The following ITGBL1 variants were observed in gnomAD, a reference collection of about 807,000 sequenced individuals.
ITGBL1 encodes the protein integrin beta-like protein 1.
ITGBL1 carries 51 observed loss-of-function variants against 68.5 expected under a neutral mutation model. The observed-to-expected ratio is 0.74, with a 90% CI of 0.59 to 0.94. The LOEUF (loss-of-function observed/expected upper bound fraction) is 0.94. Ranked by LOEUF, ITGBL1 falls within the 40% of genes least tolerant of loss-of-function variation. The pLI is 0.00. For synonymous variants in ITGBL1, 209 were observed against 227.3 expected (o/e 0.92, Z 0.72); for missense variants, 649 against 647.4 (o/e 1.00, Z -0.03).
At chr13:101,640,498 C>T (rs575471922) in intron 7 of ITGBL1, among the ~76,000 whole-genome samples, 95 of 152,126 alleles carry the variant, frequency 6.2e-4, no homozygotes, top group African/African-American at 2.1e-3. Context: ...GAAATCTCAC[C>T]GTATATTTTT....
chr13:101,588,955 G>A (rs1401372276), intron 6 of ITGBL1, among the ~76,000 whole-genome samples: 3 of 152,076 alleles, frequency 2.0e-5, no homozygotes, highest in South Asian at 2.1e-4. Flanking sequence ...TGAGAATCTG[G>A]TACCAACACC....
intron 6 of ITGBL1, among the ~76,000 whole-genome samples, chr13:101,590,378 C>T (rs766997254): frequency 2.0e-5 from 3 of 152,176 alleles, no homozygotes; most frequent in Non-Finnish European, 4.4e-5. Flanking sequence ...CCTTTATCCC[C>T]AAGGTTTCTA....
intron 2 of ITGBL1, among the ~76,000 whole-genome samples, chr13:101,545,173 C>T (rs866831293): frequency 8.0e-4 from 122 of 152,206 alleles, no homozygotes; most frequent in African/African-American, 2.7e-3. Context: ...TGGAGCTGTT[C>T]CTATTTGGCC....
intron 7 of ITGBL1, among the ~76,000 whole-genome samples, chr13:101,612,833 C>T (rs1283341247): frequency 6.6e-6 from 1 of 152,124 alleles, no homozygotes; most frequent in African/African-American, 2.4e-5. Context: ...GGCAAGGTCC[C>T]TGGAAACACT....
At position 101,716,245 on chromosome 13, in the gene ITGBL1, C is replaced by G. The variant is rs1270773138; in HGVS notation, c.*591C>G. On this transcript the variant is annotated 3_prime_UTR_variant, in exon 11 of 11. Transcript: ENST00000376180. The stretch of plus-strand genomic sequence containing the variant: ...CATTTTAATATGGGGACAATGAAGA[C>G]AAGCACACAGGAGGTAGAATATCAG... The G allele has an allele frequency of 6.6e-6, 1 of 152,110 alleles. No individual in the cohort carries two copies. Among genetic ancestry groups the G allele is most frequent in the Non-Finnish European group, 1.5e-5 (1 of 68,034 alleles). 9.4% of individuals were successfully genotyped at this position (152,110 alleles called of 1,614,324 possible). A position where few individuals can be genotyped will look rare whatever the true frequency, so the allele number is the denominator to read the frequency against.
chr13:101,615,116 T>C (rs913681276), intron 7 of ITGBL1, among the ~76,000 whole-genome samples: 1 of 152,102 alleles, frequency 6.6e-6, no homozygotes, highest in Non-Finnish European at 1.5e-5. Context: ...TTCTAACTTG[T>C]GGCTTTTGGC....
intron 9 of ITGBL1, 76 bp downstream of exon 9, chr13:101,706,978 C>T: frequency 6.8e-7 from 1 of 1,465,420 alleles, no homozygotes; most frequent in South Asian, 1.3e-5. Context: ...TAGCAACTGT[C>T]TTTCCCAGAC....
intron 2 of ITGBL1, among the ~76,000 whole-genome samples, chr13:101,532,086 A>T (rs149463286): frequency 6.6e-6 from 1 of 152,140 alleles, no homozygotes; most frequent in African/African-American, 2.4e-5. Context: ...CAACATGCAC[A>T]TCTTAAAATA....
At chr13:101,524,032 GTGAAAGAGAGGTGACAGAACCATTTTTAC>G in intron 2 of ITGBL1, among the ~76,000 whole-genome samples, 1 of 152,302 alleles carries the variant, frequency 6.6e-6, no homozygotes, top group Middle Eastern at 3.4e-3. Flanking sequence ...CTGTAAGTGG[GTGAAAGAGAGGTGACAGAACCATTTTTAC>G]TGCAGTGCAG....
chr13:101,600,270 T>G (rs1044450592), intron 7 of ITGBL1, among the ~76,000 whole-genome samples: 1 of 152,208 alleles, frequency 6.6e-6, no homozygotes, highest in Non-Finnish European at 1.5e-5. Flanking sequence ...ATGCTTGTGA[T>G]TTTTGCACAT....
chr13:101,706,502 T>C (rs141990009), intron 8 of ITGBL1, among the ~76,000 whole-genome samples: 1 of 152,350 alleles, frequency 6.6e-6, no homozygotes, highest in East Asian at 1.9e-4. Context: ...AAAGGTGGTA[T>C]AATTCCATTT....
chr13:101,673,746 T>C (rs1164144598), intron 7 of ITGBL1, among the ~76,000 whole-genome samples: 1 of 152,230 alleles, frequency 6.6e-6, no homozygotes, highest in African/African-American at 2.4e-5. Flanking sequence ...CCTGAGAGAA[T>C]AATGCTGGCT....
rs77708330 is a variant in ITGBL1 at position 101,465,282 on chromosome 13, A to G, written c.316+11182A>G. On this transcript the variant is annotated intron_variant, in intron 2 of 10. Transcript: ENST00000376180. ...TTGTGGAGTATTTGGAAATGTCACC[A>G]AAATTAGGTTTCATTGGAAATCCTT... is the stretch of plus-strand genomic sequence containing the variant. 3.6e-4 allele frequency among the ~76,000 whole-genome samples: 55 copies of G among 152,318 alleles called. No individual in the cohort carries two copies. In the East Asian group the frequency reaches 0.011, roughly 29 times the overall value.
chr13:101,555,700 G>GT (rs1356098358), intron 2 of ITGBL1, among the ~76,000 whole-genome samples: 2 of 147,162 alleles, frequency 1.4e-5, no homozygotes, highest in Non-Finnish European at 3.0e-5. Flanking sequence ...GTGTGTGTAT[G>GT]TTTTATATAG....
chr13:101,564,805 ACT>A (rs964405657), intron 2 of ITGBL1, among the ~76,000 whole-genome samples: 8 of 151,390 alleles, frequency 5.3e-5, no homozygotes, highest in South Asian at 2.1e-4. Context: ...ATAAAAAATG[ACT>A]CTGCAATTTC....
chr13:101,530,701 C>A (rs1445001740), intron 2 of ITGBL1, among the ~76,000 whole-genome samples: 2 of 151,964 alleles, frequency 1.3e-5, no homozygotes, highest in African/African-American at 2.4e-5. Context: ...ACATATGTAG[C>A]CTTTAGCTTA....
chr13:101,495,505 C>A (rs114378128), intron 2 of ITGBL1, among the ~76,000 whole-genome samples: 1 of 152,092 alleles, frequency 6.6e-6, no homozygotes, highest in Non-Finnish European at 1.5e-5. Context: ...ACTGACTCCC[C>A]GGATTTAATC....
intron 2 of ITGBL1, among the ~76,000 whole-genome samples, chr13:101,515,439 A>G (rs889339643): frequency 7.2e-5 from 11 of 152,094 alleles, no homozygotes; most frequent in Non-Finnish European, 1.2e-4. Context: ...TCCATTGGAG[A>G]AAAACAAAGA....
intron 7 of ITGBL1, among the ~76,000 whole-genome samples, chr13:101,599,006 G>T (rs1169622227): frequency 1.3e-5 from 2 of 152,174 alleles, no homozygotes; most frequent in Non-Finnish European, 2.9e-5. Context: ...CTGAGGAATT[G>T]TCACACCGAC....
Sources: gnomAD v4.1 joint callset for allele counts (sites outside exome capture counted in the v4.1 genomes callset) on GRCh38, gnomAD v4.1.1 for gene constraint, MANE v1.5 for transcripts, NCBI Gene and HGNC (gene_info 2026-07-23, HGNC 2026-07-21) for gene names.